Variants in RBFOX3 observed in about 807,000 individuals in gnomAD.
The protein encoded by RBFOX3 is RNA binding fox-1 homolog 3, also known as RNA binding protein fox-1 homolog 3.
Under a neutral mutation model 48.7 loss-of-function variants are expected in RBFOX3, and 17 were observed. The ratio of observed to expected loss-of-function variants is 0.35; its 90% CI spans 0.24 to 0.52. The LOEUF (loss-of-function observed/expected upper bound fraction) is 0.52. Ranked by LOEUF, RBFOX3 falls within the 20% of genes least tolerant of loss-of-function variation. The pLI, the probability that RBFOX3 is intolerant of heterozygous loss-of-function variation, is 0.94. For missense variants in RBFOX3, 382 were observed against 497.5 expected, an observed-to-expected ratio of 0.77 and a Z score of 2.21; for synonymous variants, 212 against 209.5, an observed-to-expected ratio of 1.01 and a Z score of -0.10.
chr17:79,136,550 GTGCTGCTGGCCACTC>G (rs2040249978), intron 4 of RBFOX3: 1 of 152,424 alleles, frequency 6.6e-6, no homozygotes, highest in African/African-American at 2.4e-5. Flanking sequence ...GGTCCATCCT[GTGCTGCTGGCCACTC>G]AACTTTCCAG....
chr17:79,602,511 C>T (rs913874419), intron 1 of RBFOX3, among the ~76,000 whole-genome samples: 33 of 152,328 alleles, frequency 2.2e-4, no homozygotes, highest in Non-Finnish European at 3.5e-4. Flanking sequence ...GTGAACCACA[C>T]GCCCCGTCCC....
intron 3 of RBFOX3, among the ~76,000 whole-genome samples, chr17:79,238,734 AGTGT>A (rs2061945706): frequency 6.6e-6 from 1 of 151,970 alleles, no homozygotes; most frequent in African/African-American, 2.4e-5. Flanking sequence ...CACACGTACG[AGTGT>A]CTTTATTTAG....
intron 2 of RBFOX3, among the ~76,000 whole-genome samples, chr17:79,419,443 A>G (rs2065891184): frequency 6.6e-6 from 1 of 152,210 alleles, no homozygotes; most frequent in South Asian, 2.1e-4. Context: ...GAGCTTCGGA[A>G]GTGCATAGCA....
chr17:79,123,063 G>A (rs1351426257), intron 4 of RBFOX3, among the ~76,000 whole-genome samples: 9 of 151,968 alleles, frequency 5.9e-5, no homozygotes, highest in African/African-American at 1.7e-4. Flanking sequence ...CTGGAAAGAC[G>A]AGGGGGGTGT....
intron 14 of RBFOX3, chr17:79,091,918 G>A (rs1226300506): frequency 9.2e-6 from 9 of 973,476 alleles, no homozygotes; most frequent in East Asian, 1.1e-4. Flanking sequence ...CACACCACGC[G>A]ACACGCTTGT....
chr17:79,113,086 T>C (rs1016987473), intron 5 of RBFOX3, among the ~76,000 whole-genome samples: 1 of 151,568 alleles, frequency 6.6e-6, no homozygotes, highest in African/African-American at 2.4e-5. Flanking sequence ...TAGACCACAA[T>C]ACCAGGCTGC....
intron 4 of RBFOX3, among the ~76,000 whole-genome samples, chr17:79,174,750 C>T (rs1311991328): frequency 4.6e-5 from 7 of 152,240 alleles, no homozygotes; most frequent in Middle Eastern, 3.2e-3. Context: ...CATACACTGA[C>T]GCACACACAA....
chr17:79,090,585 C>A lies in RBFOX3; in HGVS notation c.*298G>T. 2.4e-6 allele frequency: 1 copy of A among 417,352 alleles called. No individual in the cohort carries two copies. The highest frequency in any genetic ancestry group is 4.3e-6 in the Non-Finnish European group (1 of 234,324). 25.9% of individuals were successfully genotyped at this position (417,352 alleles called of 1,614,324 possible). On this transcript the variant is annotated 3_prime_UTR_variant, in exon 15 of 15. Coordinates refer to ENST00000693108, the MANE Select transcript of RBFOX3 (RefSeq NM_001350451.2). The stretch of plus-strand genomic sequence containing the variant: ...CGGGTCCCACAAGGGAGGCCCCTTC[C>A]CCTCCAACTCCCCCACTGCCTGAGA...
chr17:79,550,279 C>T (rs1279536563), intron 1 of RBFOX3, among the ~76,000 whole-genome samples: 1 of 152,180 alleles, frequency 6.6e-6, no homozygotes, highest in Non-Finnish European at 1.5e-5. Context: ...GGGGCAGCTC[C>T]ATGAAGCCAG....
chr17:79,656,813 AAG>A, the RBFOX3 span, among the ~76,000 whole-genome samples: 87 of 73,566 alleles, frequency 1.2e-3, 1 homozygote, highest in South Asian at 3.6e-3. Flanking sequence ...AAAGAAAAGA[AAG>A]AGAAAGAAAG....
At chr17:79,465,626 G>A (rs1167388121) in intron 2 of RBFOX3, among the ~76,000 whole-genome samples, 4 of 151,916 alleles carry the variant, frequency 2.6e-5, no homozygotes. Context: ...AACACTCCCT[G>A]CATGTTAACT....
intron 1 of RBFOX3, chr17:79,599,563 C>A (rs919623114): frequency 1.3e-5 from 2 of 152,286 alleles, no homozygotes; most frequent in Non-Finnish European, 2.9e-5. Context: ...CCACTGAGCA[C>A]CTCCGACAGA....
At chr17:79,143,000 A>T (rs975875277) in intron 4 of RBFOX3, among the ~76,000 whole-genome samples, 1 of 152,042 alleles carries the variant, frequency 6.6e-6, no homozygotes, top group Non-Finnish European at 1.5e-5. Context: ...GGACAGGGAC[A>T]TCCTGGTGCA....
chr17:79,486,410 C>T (rs2149535981), intron 1 of RBFOX3, among the ~76,000 whole-genome samples: 1 of 152,288 alleles, frequency 6.6e-6, no homozygotes, highest in Non-Finnish European at 1.5e-5. Context: ...GCAGAGCACA[C>T]AGGGACACCC....
chr17:79,625,898 A>AG, the RBFOX3 span, among the ~76,000 whole-genome samples: 1 of 152,182 alleles, frequency 6.6e-6, no homozygotes, highest in African/African-American at 2.4e-5. Context: ...AGGGCATGGG[A>AG]GGCAGCGCCC....
At chr17:79,641,881 C>T in the RBFOX3 span, among the ~76,000 whole-genome samples, 1 of 152,194 alleles carries the variant, frequency 6.6e-6, no homozygotes, top group African/African-American at 2.4e-5. Context: ...CTCTCTCTTC[C>T]TCTTGCTCTG....
chr17:79,360,754 A>T (rs2086175257), intron 2 of RBFOX3, among the ~76,000 whole-genome samples: 1 of 152,070 alleles, frequency 6.6e-6, no homozygotes, highest in Admixed American at 6.6e-5. Context: ...AGCCCCACTC[A>T]CAACTCTGCC....
chr17:79,216,914 CAG>C (rs2059129271), intron 4 of RBFOX3, among the ~76,000 whole-genome samples: 1 of 152,150 alleles, frequency 6.6e-6, no homozygotes, highest in Non-Finnish European at 1.5e-5. Flanking sequence ...GCCCAGACCC[CAG>C]CAGCCTTTTT....
the RBFOX3 span, among the ~76,000 whole-genome samples, chr17:79,619,629 G>A: frequency 2.0e-5 from 3 of 152,270 alleles, no homozygotes; most frequent in East Asian, 1.9e-4. Context: ...GAAGTTCTAG[G>A]TGGACATGAA....
Sources: allele counts gnomAD v4.1 joint callset (sites outside exome capture counted in the v4.1 genomes callset), GRCh38; gene constraint gnomAD v4.1.1; transcripts MANE v1.5; gene names NCBI Gene and HGNC (gene_info 2026-07-23, HGNC 2026-07-21).